Variants in C10orf90 observed in about 807,000 individuals in gnomAD.
The protein encoded by C10orf90 is (E2-independent) E3 ubiquitin-conjugating enzyme FATS.
C10orf90 carries 56 observed loss-of-function variants against 62.5 expected under a neutral mutation model. That is an observed-to-expected ratio of 0.90 (90% CI 0.72 to 1.12). The LOEUF is 1.12. Among genes scored for constraint, C10orf90 ranks in the 50% most tolerant of loss-of-function variants. The pLI, the probability that C10orf90 is intolerant of heterozygous loss-of-function variation, is 0.00. For missense variants in C10orf90, 970 were observed against 880.4 expected (o/e 1.10, Z -1.29); for synonymous variants, 386 against 340.4 (o/e 1.13, Z -1.47).
chr10:126,521,468 G>A, intron 2 of C10orf90: 1 of 1,478,034 alleles, frequency 6.8e-7, no homozygotes, highest in Non-Finnish European at 8.9e-7. Flanking sequence ...TTCCAGCCTC[G>A]GCCAAAGAAC....
At position 126,425,550 on chromosome 10, in the gene C10orf90, A is replaced by G. The variant is rs1359464668; in HGVS notation, c.*314T>C. 2 of 368,728 alleles carry G rather than the reference A, an allele frequency of 5.4e-6. No homozygotes were observed. The highest frequency in any genetic ancestry group is 8.4e-5 in the South Asian group (1 of 11,968). The allele number at this position is 368,728 out of a possible 1,614,324, so 22.8% of individuals were successfully genotyped here. A position where few individuals can be genotyped will look rare whatever the true frequency, so the allele number is the denominator to read the frequency against. On this transcript the variant is annotated 3_prime_UTR_variant, in exon 10 of 10. Transcript: ENST00000488181. Reference sequence around the variant, plus strand: ...CTTGTATCAGGCCTCTCTGATGGGCAGGAAACAGCAGGGGAGAAGAAATCA... The same window carrying G: ...CTTGTATCAGGCCTCTCTGATGGGCGGGAAACAGCAGGGGAGAAGAAATCA...
intron 1 of C10orf90, among the ~76,000 whole-genome samples, chr10:126,658,407 A>G (rs1380403862): frequency 1.3e-5 from 2 of 152,216 alleles, no homozygotes; most frequent in African/African-American, 2.4e-5. Context: ...AAATTATAGG[A>G]AGCAATGAAA....
intron 2 of C10orf90, among the ~76,000 whole-genome samples, chr10:126,592,956 A>T (rs761009129): frequency 2.0e-5 from 3 of 152,236 alleles, no homozygotes; most frequent in Admixed American, 6.5e-5. Flanking sequence ...TTCACTGATC[A>T]TTAGAAATGC....
At chr10:126,534,217 T>C (rs1864175911) in intron 2 of C10orf90, among the ~76,000 whole-genome samples, 1 of 152,198 alleles carries the variant, frequency 6.6e-6, no homozygotes, top group African/African-American at 2.4e-5. Flanking sequence ...ACCATAACAC[T>C]GCAGAGCTTA....
At chr10:126,596,389 C>A (rs575803757) in intron 2 of C10orf90, among the ~76,000 whole-genome samples, 7 of 149,314 alleles carry the variant, frequency 4.7e-5, no homozygotes, top group South Asian at 4.2e-4. Context: ...AAAAAAAAAA[C>A]AACAACAAAC....
At chr10:126,650,069 G>C (rs948832282) in intron 1 of C10orf90, among the ~76,000 whole-genome samples, 5 of 152,176 alleles carry the variant, frequency 3.3e-5, no homozygotes, top group African/African-American at 1.2e-4. Context: ...GGAGATGCCA[G>C]CCTCTGGCCT....
At chr10:126,474,991 A>G (rs1211422269) in intron 4 of C10orf90, among the ~76,000 whole-genome samples, 1 of 152,256 alleles carries the variant, frequency 6.6e-6, no homozygotes. Context: ...GAAGGAATGG[A>G]CATCATTTTG....
At chr10:126,631,476 GCT>G (rs1412551415) in intron 2 of C10orf90, among the ~76,000 whole-genome samples, 1 of 152,080 alleles carries the variant, frequency 6.6e-6, no homozygotes, top group African/African-American at 2.4e-5. Context: ...CTTGGTTTTT[GCT>G]CTCTTATCTC....
At chr10:126,587,603 G>A (rs1844898711) in intron 2 of C10orf90, among the ~76,000 whole-genome samples, 1 of 152,144 alleles carries the variant, frequency 6.6e-6, no homozygotes, top group Non-Finnish European at 1.5e-5. Context: ...CCATCACATT[G>A]AGGGTTACAC....
intron 2 of C10orf90, among the ~76,000 whole-genome samples, chr10:126,601,907 G>A (rs1308901168): frequency 2.0e-5 from 3 of 152,212 alleles, no homozygotes; most frequent in Non-Finnish European, 4.4e-5. Flanking sequence ...ATTCTTATAC[G>A]CTAACCTCGC....
intron 2 of C10orf90, among the ~76,000 whole-genome samples, chr10:126,564,850 T>TC (rs1491364727): frequency 0.033 from 845 of 25,276 alleles, 293 homozygotes; most frequent in African/African-American, 0.077. Flanking sequence ...ATATTATATA[T>TC]TATATAAAAT....
chr10:126,557,902 G>A (rs113598981), intron 2 of C10orf90, among the ~76,000 whole-genome samples: 1 of 151,588 alleles, frequency 6.6e-6, no homozygotes, highest in African/African-American at 2.4e-5. Flanking sequence ...GCCTCCTCCC[G>A]ACTCCTCCTA....
chr10:126,604,848 G>A (rs1845273569), intron 2 of C10orf90, among the ~76,000 whole-genome samples: 1 of 152,080 alleles, frequency 6.6e-6, no homozygotes, highest in African/African-American at 2.4e-5. Context: ...TTCATAATAG[G>A]GCACAAGAGG....
chr10:126,628,112 G>C (rs1378022450), intron 2 of C10orf90, among the ~76,000 whole-genome samples: 1 of 152,156 alleles, frequency 6.6e-6, no homozygotes. Flanking sequence ...AAACACCTTC[G>C]CCTGGCAGGG....
At chr10:126,484,059 T>C (rs1050303694) in intron 4 of C10orf90, among the ~76,000 whole-genome samples, 8 of 152,162 alleles carry the variant, frequency 5.3e-5, no homozygotes, top group African/African-American at 1.9e-4. Context: ...GTAGACCTTC[T>C]CTCCTCTCTT....
At chr10:126,464,303 G>A (rs1860159742) in intron 5 of C10orf90, among the ~76,000 whole-genome samples, 1 of 152,160 alleles carries the variant, frequency 6.6e-6, no homozygotes, top group Non-Finnish European at 1.5e-5. Context: ...CCGTGCCTTA[G>A]TCATTATATC....
chr10:126,648,793 T>G (rs2133854638), intron 1 of C10orf90, among the ~76,000 whole-genome samples: 1 of 151,868 alleles, frequency 6.6e-6, no homozygotes, highest in East Asian at 1.9e-4. Context: ...TCTTCTCTCC[T>G]GGGTTGTTGT....
intron 7 of C10orf90, among the ~76,000 whole-genome samples, chr10:126,441,918 A>G (rs1858354772): frequency 6.6e-6 from 1 of 152,208 alleles, no homozygotes; most frequent in Non-Finnish European, 1.5e-5. Flanking sequence ...AAACACATCA[A>G]AACAGAACCT....
At chr10:126,548,770 T>A (rs1864563777) in intron 2 of C10orf90, among the ~76,000 whole-genome samples, 2 of 140,404 alleles carry the variant, frequency 1.4e-5, no homozygotes, top group African/African-American at 2.7e-5. Context: ...TGAGACGGAG[T>A]CTCACTCTGT....
Sources: allele counts gnomAD v4.1 joint callset (sites outside exome capture counted in the v4.1 genomes callset), GRCh38; gene constraint gnomAD v4.1.1; transcripts MANE v1.5; gene names NCBI Gene and HGNC (gene_info 2026-07-23, HGNC 2026-07-21).